Variants in PHACTR1 observed in about 807,000 individuals in gnomAD.
The protein encoded by PHACTR1 is phosphatase and actin regulator 1, also known as RPEL repeat containing 1.
A neutral mutation model predicts 69.2 loss-of-function variants in PHACTR1; 16 were observed. The observed-to-expected ratio is 0.23, with a 90% confidence interval of 0.16 to 0.35. The LOEUF (loss-of-function observed/expected upper bound fraction) is 0.35. PHACTR1 is among the 10% of genes least tolerant of loss of function. PHACTR1 has a pLI of 1.00. For synonymous variants in PHACTR1, 312 were observed against 284.5 expected (o/e 1.10, Z -0.97); for missense variants, 510 against 734.7 (o/e 0.69, Z 3.54).
chr6:13,237,117 C>T (rs1257496313), intron 10 of PHACTR1, among the ~76,000 whole-genome samples: 1 of 152,184 alleles, frequency 6.6e-6, no homozygotes, highest in African/African-American at 2.4e-5. Context: ...TGGCTCATGC[C>T]TATAATCCCA....
chr6:13,212,710 G>A (rs979930060), intron 8 of PHACTR1, among the ~76,000 whole-genome samples: 4 of 150,900 alleles, frequency 2.7e-5, no homozygotes, highest in Non-Finnish European at 5.9e-5. Context: ...CACCATTCTC[G>A]CACATTCTCG....
chr6:12,956,404 G>A (rs1273241517), intron 4 of PHACTR1, among the ~76,000 whole-genome samples: 1 of 152,024 alleles, frequency 6.6e-6, no homozygotes, highest in East Asian at 1.9e-4. Context: ...TCCTTAGTGG[G>A]TATCATCTGG....
At chr6:12,959,475 C>T (rs1349161790) in intron 4 of PHACTR1, among the ~76,000 whole-genome samples, 2 of 152,012 alleles carry the variant, frequency 1.3e-5, no homozygotes, top group Non-Finnish European at 2.9e-5. Context: ...TTCACTAAAG[C>T]CCACACTTGA....
At chr6:12,847,660 G>A (rs536492665) in intron 4 of PHACTR1, among the ~76,000 whole-genome samples, 94 of 151,944 alleles carry the variant, frequency 6.2e-4, no homozygotes, top group African/African-American at 2.1e-3. Context: ...TCTAGTATAA[G>A]AAAAAAATTA....
Position 12,739,314 on chromosome 6 carries a change from A to C in PHACTR1, c.104-10330A>C, listed in dbSNP as rs946345781. Among the ~76,000 whole-genome samples, 3 of 152,302 alleles carry C rather than the reference A, an allele frequency of 2.0e-5. No individual in the cohort carries two copies. In the East Asian group the frequency reaches 5.8e-4, roughly 29 times the overall value. On this transcript the variant is annotated intron_variant, in intron 3 of 14. Coordinates refer to ENST00000332995, the MANE Select transcript of PHACTR1 (RefSeq NM_030948.6). ...TCAGAAATAGACAGGATGATAGCCT[A>C]AAAATAAGGGCGAGACACACCAAAA...
chr6:12,912,698 A>G (rs1786546648), intron 4 of PHACTR1, among the ~76,000 whole-genome samples: 1 of 152,200 alleles, frequency 6.6e-6, no homozygotes. Context: ...CATGCCTGTA[A>G]TCCCATCACT....
At chr6:13,011,953 G>A (rs1472801769) in intron 4 of PHACTR1, among the ~76,000 whole-genome samples, 1 of 152,222 alleles carries the variant, frequency 6.6e-6, no homozygotes, top group Non-Finnish European at 1.5e-5. Flanking sequence ...CAGGGACCGG[G>A]TGACATGAAT....
chr6:12,765,774 C>G (rs1040713619), intron 4 of PHACTR1, among the ~76,000 whole-genome samples: 1 of 152,162 alleles, frequency 6.6e-6, no homozygotes, highest in Non-Finnish European at 1.5e-5. Flanking sequence ...GATTTTTACT[C>G]ATGTTATATT....
chr6:12,719,773 C>A (rs745552072), intron 3 of PHACTR1, among the ~76,000 whole-genome samples: 11 of 152,190 alleles, frequency 7.2e-5, no homozygotes, highest in Non-Finnish European at 1.3e-4. Context: ...AATATCCTGT[C>A]TGGGCTTTCC....
intron 4 of PHACTR1, among the ~76,000 whole-genome samples, chr6:12,939,714 G>A (rs1169719379): frequency 6.6e-6 from 1 of 152,038 alleles, no homozygotes; most frequent in East Asian, 1.9e-4. Flanking sequence ...AGGAGCTAGG[G>A]GGGGCCAGAG....
At chr6:13,048,036 CCTGT>C (rs943508597) in intron 4 of PHACTR1, among the ~76,000 whole-genome samples, 4 of 152,184 alleles carry the variant, frequency 2.6e-5, no homozygotes, top group South Asian at 2.1e-4. Context: ...TTCTTTCTGG[CCTGT>C]CTAAGGAGAA....
At chr6:13,139,107 A>G (rs1195635439) in intron 5 of PHACTR1, among the ~76,000 whole-genome samples, 1 of 117,298 alleles carries the variant, frequency 8.5e-6, no homozygotes, top group Non-Finnish European at 1.8e-5. Context: ...TAATTTTGCT[A>G]TTTGCCTTTT....
chr6:12,768,376 A>G (rs1309067773), intron 4 of PHACTR1, among the ~76,000 whole-genome samples: 2 of 152,064 alleles, frequency 1.3e-5, no homozygotes, highest in African/African-American at 4.8e-5. Flanking sequence ...GGCCTCCCAA[A>G]GTGCTGGGAT....
intron 10 of PHACTR1, among the ~76,000 whole-genome samples, chr6:13,235,840 C>T (rs1426761484): frequency 6.6e-6 from 1 of 152,190 alleles, no homozygotes; most frequent in African/African-American, 2.4e-5. Flanking sequence ...TCGACTGGCC[C>T]AGTCCTCTCC....
chr6:13,225,578 T>C (rs1769485926), intron 8 of PHACTR1, among the ~76,000 whole-genome samples: 2 of 152,222 alleles, frequency 1.3e-5, no homozygotes, highest in Admixed American at 1.3e-4. Context: ...GAGTTTCTTA[T>C]CTTCCTTTGC....
chr6:12,735,065 T>A (rs2127577273), intron 3 of PHACTR1, among the ~76,000 whole-genome samples: 1 of 152,302 alleles, frequency 6.6e-6, no homozygotes, highest in Non-Finnish European at 1.5e-5. Flanking sequence ...TTAGCTGGGC[T>A]GTTGGGGTTT....
At chr6:13,257,191 A>C (rs1412166877) in intron 10 of PHACTR1, among the ~76,000 whole-genome samples, 1 of 152,054 alleles carries the variant, frequency 6.6e-6, no homozygotes, top group Non-Finnish European at 1.5e-5. Context: ...AGCAAGAGAG[A>C]GAGGAGGAGG....
intron 5 of PHACTR1, among the ~76,000 whole-genome samples, chr6:13,054,196 T>C (rs1007113441): frequency 3.3e-5 from 5 of 152,232 alleles, no homozygotes; most frequent in South Asian, 2.1e-4. Flanking sequence ...TGCCTCAGCT[T>C]CCTCGTCTGT....
At chr6:13,162,179 A>G (rs1759124498) in intron 6 of PHACTR1, among the ~76,000 whole-genome samples, 1 of 152,064 alleles carries the variant, frequency 6.6e-6, no homozygotes. Flanking sequence ...AGCTCACTGC[A>G]ACCTCCGCCT....
Sources: allele counts gnomAD v4.1 joint callset (sites outside exome capture counted in the v4.1 genomes callset), GRCh38; gene constraint gnomAD v4.1.1; transcripts MANE v1.5; gene names NCBI Gene and HGNC (gene_info 2026-07-23, HGNC 2026-07-21).